DNAH14: variants seen among roughly 807,000 people sequenced by gnomAD.
The protein encoded by DNAH14 is axonemal beta dynein heavy chain 14.
DNAH14 carries 478 observed loss-of-function variants against 520.9 expected under a neutral mutation model. That is an observed-to-expected ratio of 0.92 (90% CI 0.85 to 0.99). The LOEUF (loss-of-function observed/expected upper bound fraction) is 0.99. Among genes scored for constraint, DNAH14 ranks in the 50% least tolerant of loss-of-function variants. The pLI is 0.00. For synonymous variants in DNAH14, 1,581 were observed against 1,757.2 expected, an observed-to-expected ratio of 0.90 and a Z score of 2.51; for missense variants, 4,831 against 5,234.5, an observed-to-expected ratio of 0.92 and a Z score of 2.38.
chr1:225,205,955 A>C lies in DNAH14; in HGVS notation c.5978-16A>C. ...GACATTAGTCTCAGTTACATTAAAA[A>C]TATTTTTCTCTCCAGATTTTGATTG... On this transcript the variant is annotated splice_polypyrimidine_tract_variant and intron_variant, in intron 39 of 85. Coordinates refer to ENST00000682510, the MANE Select transcript of DNAH14 (RefSeq NM_001367479.1). 6.5e-7 allele frequency: 1 copy of C among 1,543,650 alleles called. No individual in the cohort carries two copies. Among genetic ancestry groups the C allele is most frequent in the South Asian group, 1.2e-5 (1 of 83,146 alleles).
At chr1:225,231,925 G>A (rs1353491967) in intron 42 of DNAH14, among the ~76,000 whole-genome samples, 1 of 151,924 alleles carries the variant, frequency 6.6e-6, no homozygotes, top group Non-Finnish European at 1.5e-5. Flanking sequence ...ATATGTATAA[G>A]ATATAAATAA....
chr1:225,275,357 T>A (rs2149868307), intron 52 of DNAH14, among the ~76,000 whole-genome samples: 1 of 152,296 alleles, frequency 6.6e-6, no homozygotes, highest in East Asian at 1.9e-4. Flanking sequence ...GACAGACCTA[T>A]GCACACAATA....
rs149377425 is a variant in DNAH14 at position 225,162,234 on chromosome 1, A to G, written c.5445+2749A>G. Among the ~76,000 whole-genome samples, 705 of 152,288 alleles carry G rather than the reference A, an allele frequency of 4.6e-3. 2 individuals are homozygous for G. The highest frequency in any genetic ancestry group is 0.012 in the East Asian group (60 of 5,182). ...TTCATTCTTCTGCATATGGATATCC[A>G]GTTTTCCCAGCACCATTTATTGAAG... On this transcript the variant is annotated intron_variant, in intron 35 of 85. Coordinates refer to ENST00000682510, the MANE Select transcript of DNAH14 (RefSeq NM_001367479.1).
intron 62 of DNAH14, 55 bp from the exon 63 acceptor site, chr1:225,324,167 C>T: frequency 6.5e-7 from 1 of 1,540,084 alleles, no homozygotes; most frequent in Admixed American, 2.0e-5. Context: ...CTGGGGAAAA[C>T]TTCAGGTGAA....
intron 60 of DNAH14, among the ~76,000 whole-genome samples, chr1:225,312,803 C>G (rs539197808): frequency 3.2e-4 from 49 of 152,256 alleles, no homozygotes; most frequent in African/African-American, 1.1e-3. Flanking sequence ...CCAACTTGAT[C>G]GTGGTGGATA....
At chr1:225,335,545 G>GTATGTACATATATACGTATGTACA (rs1491540578) in intron 66 of DNAH14, among the ~76,000 whole-genome samples, 1 of 70,034 alleles carries the variant, frequency 1.4e-5, no homozygotes, top group Admixed American at 1.7e-4. Flanking sequence ...ACATATATAC[G>GTATGTACATATATACGTATGTACA]TATATACATA....
chr1:225,313,137 A>G (rs1002488875), intron 60 of DNAH14, among the ~76,000 whole-genome samples: 3 of 152,154 alleles, frequency 2.0e-5, no homozygotes, highest in African/African-American at 7.2e-5. Flanking sequence ...TTATTGTTCT[A>G]TTCAGGTATT....
intron 36 of DNAH14, among the ~76,000 whole-genome samples, chr1:225,177,346 A>G (rs886637981): frequency 1.3e-5 from 2 of 152,202 alleles, no homozygotes; most frequent in African/African-American, 4.8e-5. Context: ...GCAGAGCATA[A>G]AAGTTTGGAA....
At chr1:225,226,751 A>G (rs1411586742) in intron 41 of DNAH14, among the ~76,000 whole-genome samples, 2 of 152,174 alleles carry the variant, frequency 1.3e-5, no homozygotes, top group Admixed American at 6.5e-5. Flanking sequence ...CTGCACTGGC[A>G]CTGGTCTCTG....
At chr1:225,147,325 T>C in intron 31 of DNAH14, 76 bp downstream of exon 31, 1 of 1,358,220 alleles carries the variant, frequency 7.4e-7, no homozygotes, top group East Asian at 2.7e-5. Flanking sequence ...TATTGTTAAA[T>C]ATTTTCCCCA....
chr1:225,324,482 C>A (rs564702343), intron 63 of DNAH14, 129 bp downstream of exon 63: 4 of 1,256,454 alleles, frequency 3.2e-6, no homozygotes, highest in Non-Finnish European at 4.3e-6. Flanking sequence ...ACACTTTAAT[C>A]AAATGTTATT....
intron 8 of DNAH14, among the ~76,000 whole-genome samples, chr1:224,994,179 AT>A (rs2063240090): frequency 6.6e-6 from 1 of 151,968 alleles, no homozygotes; most frequent in Non-Finnish European, 1.5e-5. Context: ...AATATTCTGT[AT>A]TTACCTATTA....
chr1:225,074,940 C>T (rs1490513711), intron 17 of DNAH14, among the ~76,000 whole-genome samples: 4 of 152,180 alleles, frequency 2.6e-5, no homozygotes, highest in African/African-American at 7.2e-5. Context: ...CTGCTTGGTG[C>T]CCTGGATTCA....
At position 225,303,261 on chromosome 1, in the gene DNAH14, G is replaced by A. The variant is rs1157442339; in HGVS notation, c.8737G>A (p.Asp2913Asn). The change falls in exon 57 of 86, where the codon GAT becomes AAT. Residue 2913 changes from aspartate to asparagine, a missense_variant. Coordinates refer to ENST00000682510, the MANE Select transcript of DNAH14 (RefSeq NM_001367479.1). Reference protein sequence around the residue: ...YPSMISSCTIDWYERWPEEAL... With the variant: ...YPSMISSCTINWYERWPEEAL... ...TTCTATGATTAGCTCCTGCACGATC[G>A]ATTGGTATGAGAGGTGGCCAGAAGA... The A allele has an allele frequency of 6.4e-6, 10 of 1,551,378 alleles. No homozygotes were observed. Among genetic ancestry groups the A allele is most frequent in the East Asian group, 2.4e-5 (1 of 40,928 alleles).
chr1:224,951,644 ATT>A (rs67437504), intron 1 of DNAH14, among the ~76,000 whole-genome samples: 15 of 80,148 alleles, frequency 1.9e-4, no homozygotes, highest in African/African-American at 4.8e-4. Context: ...AGATTTCTGG[ATT>A]TTTTTTTTTT....
At chr1:225,334,408 A>T (rs1411667490) in intron 66 of DNAH14, among the ~76,000 whole-genome samples, 4 of 152,198 alleles carry the variant, frequency 2.6e-5, no homozygotes, top group African/African-American at 9.7e-5. Context: ...AGGTGGGAGG[A>T]TCACATGAGC....
chr1:225,343,913 A>G (rs891593485), intron 69 of DNAH14, among the ~76,000 whole-genome samples: 1 of 152,194 alleles, frequency 6.6e-6, no homozygotes, highest in African/African-American at 2.4e-5. Context: ...CATTTTATGA[A>G]CCACTCTTAT....
intron 8 of DNAH14, among the ~76,000 whole-genome samples, chr1:225,001,545 A>G (rs2063774801): frequency 6.6e-6 from 1 of 152,110 alleles, no homozygotes; most frequent in South Asian, 2.1e-4. Context: ...TTCTTGTTAG[A>G]TCATGCATTA....
chr1:225,125,122 G>A (rs1290587272), intron 27 of DNAH14, among the ~76,000 whole-genome samples: 1 of 152,160 alleles, frequency 6.6e-6, no homozygotes, highest in Non-Finnish European at 1.5e-5. Flanking sequence ...TGTCATCCAG[G>A]CCTTGTTGTT....
Sources: allele counts gnomAD v4.1 joint callset (sites outside exome capture counted in the v4.1 genomes callset), GRCh38; gene constraint gnomAD v4.1.1; transcripts MANE v1.5; gene names NCBI Gene and HGNC (gene_info 2026-07-23, HGNC 2026-07-21).